The following ATP2B2 variants were observed in gnomAD, a reference collection of about 807,000 sequenced individuals.
The protein encoded by ATP2B2 is ATPase plasma membrane Ca2+ transporting 2.
A neutral mutation model predicts 120.0 loss-of-function variants in ATP2B2; 15 were observed. The ratio of observed to expected loss-of-function variants is 0.12; its 90% confidence interval spans 0.08 to 0.19. The LOEUF is 0.19. Among genes scored for constraint, ATP2B2 ranks in the 10% least tolerant of loss-of-function variants. The pLI is 1.00. For missense variants in ATP2B2, 1,045 were observed against 1,719.8 expected, an observed-to-expected ratio of 0.61 and a Z score of 6.94; for synonymous variants, 694 against 700.3, an observed-to-expected ratio of 0.99 and a Z score of 0.14.
intron 1 of ATP2B2, among the ~76,000 whole-genome samples, chr3:10,504,527 G>C: frequency 6.6e-6 from 1 of 151,630 alleles, no homozygotes; most frequent in East Asian, 2.0e-4. Flanking sequence ...AGACCCCCAG[G>C]GCCCTTGCCT....
chr3:10,687,885 C>T (rs1248949656), intron 1 of ATP2B2, among the ~76,000 whole-genome samples: 1 of 151,988 alleles, frequency 6.6e-6, no homozygotes, highest in Non-Finnish European at 1.5e-5. Context: ...AAAAAAGAAC[C>T]ATTGGGCCGC....
At chr3:10,384,556 C>T (rs73014692) in intron 8 of ATP2B2, among the ~76,000 whole-genome samples, 7,525 of 152,210 alleles carry the variant, frequency 0.049, 222 homozygotes, top group South Asian at 0.082. Context: ...TTCTTGCTTG[C>T]GTGTAAGGAG....
At chr3:10,689,290 G>C (rs920312516) in intron 1 of ATP2B2, among the ~76,000 whole-genome samples, 2 of 152,132 alleles carry the variant, frequency 1.3e-5, no homozygotes, top group African/African-American at 4.8e-5. Flanking sequence ...TCAGAACCAG[G>C]TATGAAGCTT....
intron 1 of ATP2B2, among the ~76,000 whole-genome samples, chr3:10,661,228 G>C (rs568593437): frequency 4.5e-4 from 69 of 152,112 alleles, no homozygotes; most frequent in Non-Finnish European, 8.5e-4. Flanking sequence ...ATTCAACATA[G>C]TGTTGGAAGT....
chr3:10,361,711 T>G (rs1198344514), intron 12 of ATP2B2, among the ~76,000 whole-genome samples: 2 of 152,212 alleles, frequency 1.3e-5, no homozygotes, highest in Non-Finnish European at 2.9e-5. Flanking sequence ...GCAAACTTCC[T>G]CTTGTCCTTT....
intron 8 of ATP2B2, among the ~76,000 whole-genome samples, chr3:10,383,366 G>A (rs961953638): frequency 7.9e-5 from 12 of 152,170 alleles, no homozygotes; most frequent in Non-Finnish European, 1.2e-4. Context: ...CTACACACCA[G>A]CATATTCAAG....
chr3:10,370,309 T>G (rs951677653), intron 12 of ATP2B2, among the ~76,000 whole-genome samples: 1 of 152,236 alleles, frequency 6.6e-6, no homozygotes, highest in African/African-American at 2.4e-5. Flanking sequence ...GTTCTGGGAA[T>G]CGCCCTGTTC....
intron 2 of ATP2B2, among the ~76,000 whole-genome samples, chr3:10,547,120 G>A (rs1335508064): frequency 4.6e-5 from 7 of 152,054 alleles, no homozygotes; most frequent in African/African-American, 1.4e-4. Flanking sequence ...CAATTGTATC[G>A]GTCTGGGGAG....
Position 10,452,199 on chromosome 3 carries a change from C to G in ATP2B2, c.-319-2337G>C, listed in dbSNP as rs533483824. 3.9e-5 allele frequency among the ~76,000 whole-genome samples: 6 copies of G among 152,250 alleles called. No individual in the cohort carries two copies. In the South Asian group the frequency reaches 1.2e-3, roughly 32 times the overall value. On this transcript the variant is annotated intron_variant, in intron 1 of 22. Transcript: ENST00000360273. ...CCACGGAGTGGAAGATCTTTTCAAC[C>G]TTAGACTTTGGACTCTTGTCCACTA...
chr3:10,528,073 AT>A (rs1271242064), intron 3 of ATP2B2, among the ~76,000 whole-genome samples: 1 of 152,200 alleles, frequency 6.6e-6, no homozygotes, highest in Non-Finnish European at 1.5e-5. Flanking sequence ...GGTGGCGGGC[AT>A]AACTCTGTAC....
chr3:10,598,770 G>C (rs1163181344), intron 2 of ATP2B2, among the ~76,000 whole-genome samples: 1 of 152,226 alleles, frequency 6.6e-6, no homozygotes, highest in African/African-American at 2.4e-5. Context: ...CTGCATAAAT[G>C]CATTTAACCA....
At chr3:10,688,041 C>T (rs969329594) in intron 1 of ATP2B2, among the ~76,000 whole-genome samples, 1 of 152,118 alleles carries the variant, frequency 6.6e-6, no homozygotes, top group Admixed American at 6.5e-5. Context: ...ATTCATATTA[C>T]ATATTCATTA....
intron 2 of ATP2B2, among the ~76,000 whole-genome samples, chr3:10,617,643 G>A (rs1559489141): frequency 6.6e-6 from 1 of 152,214 alleles, no homozygotes; most frequent in African/African-American, 2.4e-5. Flanking sequence ...AGTTTTGCCT[G>A]TCTCCAAAGA....
At chr3:10,577,747 C>T (rs944355322) in intron 2 of ATP2B2, among the ~76,000 whole-genome samples, 3 of 152,144 alleles carry the variant, frequency 2.0e-5, no homozygotes, top group African/African-American at 4.8e-5. Flanking sequence ...CAGCGTGACT[C>T]GGAATGGCAG....
chr3:10,549,773 G>A (rs866133811), intron 2 of ATP2B2, among the ~76,000 whole-genome samples: 1 of 152,090 alleles, frequency 6.6e-6, no homozygotes. Flanking sequence ...AAATGACAAA[G>A]ACTCTGCCTG....
intron 1 of ATP2B2, among the ~76,000 whole-genome samples, chr3:10,680,700 C>T (rs1246747667): frequency 6.6e-6 from 1 of 152,182 alleles, no homozygotes; most frequent in Non-Finnish European, 1.5e-5. Context: ...AAACCTTTTA[C>T]ACATTCGTCC....
intron 3 of ATP2B2, among the ~76,000 whole-genome samples, chr3:10,513,347 AT>A (rs1276034886): frequency 6.6e-6 from 1 of 152,134 alleles, no homozygotes; most frequent in Non-Finnish European, 1.5e-5. Context: ...GCAGTTCTCA[AT>A]GAATTAAAAG....
intron 1 of ATP2B2, among the ~76,000 whole-genome samples, chr3:10,463,560 C>T (rs1345226161): frequency 6.6e-6 from 1 of 152,180 alleles, no homozygotes; most frequent in Non-Finnish European, 1.5e-5. Flanking sequence ...GGAGGCTTTG[C>T]AAGGTTAAAG....
chr3:10,505,377 A>G (rs1197216273), intron 1 of ATP2B2, 88 bp downstream of exon 1: 1 of 152,120 alleles, frequency 6.6e-6, no homozygotes, highest in African/African-American at 2.4e-5. Flanking sequence ...AAATGAAACA[A>G]AATAAAATGG....
Sources: gnomAD v4.1 joint callset for allele counts (sites outside exome capture counted in the v4.1 genomes callset) on GRCh38, gnomAD v4.1.1 for gene constraint, MANE v1.5 for transcripts, NCBI Gene and HGNC (gene_info 2026-07-23, HGNC 2026-07-21) for gene names.